GOLGB1: variants seen among roughly 807,000 people sequenced by gnomAD.
GOLGB1 encodes golgin subfamily B member 1.
Under a neutral mutation model 336.9 loss-of-function variants are expected in GOLGB1, and 174 were observed. The observed-to-expected ratio is 0.52, with a 90% confidence interval of 0.46 to 0.59. The LOEUF (loss-of-function observed/expected upper bound fraction) is 0.59. Ranked by LOEUF, GOLGB1 falls within the 20% of genes least tolerant of loss-of-function variation. GOLGB1 has a pLI of 0.00. For missense variants in GOLGB1, 3,331 were observed against 3,645.3 expected, an observed-to-expected ratio of 0.91 and a Z score of 2.22; for synonymous variants, 1,208 against 1,289.2, an observed-to-expected ratio of 0.94 and a Z score of 1.35.
chr3:121,670,761 G>A (rs576293641), intron 17 of GOLGB1, among the ~76,000 whole-genome samples: 3 of 149,170 alleles, frequency 2.0e-5, no homozygotes, highest in Non-Finnish European at 3.0e-5. Flanking sequence ...CTTTTGGGGG[G>A]GGGGGTGTGG....
At position 121,694,500 on chromosome 3, in the gene GOLGB1, T is replaced by C. The variant is rs747604131; in HGVS notation, c.6023A>G (p.Asn2008Ser). ...CTGAAGTTCCTTTGCATGGCTTTTA[T>C]TTCCGGGTTCTTTCTGAGCACCTTG... is the stretch of plus-strand genomic sequence containing the variant. ...KIQGAQKEPG[N>S]KSHAKELQEL... Residue 2008 changes from asparagine (N) to serine (S), a missense_variant, in exon 13 of 22, where the codon AAT (asparagine) becomes AGT (serine). Coordinates refer to ENST00000614479, the MANE Select transcript of GOLGB1 (RefSeq NM_001366282.2). The C allele has an allele frequency of 1.2e-5, 20 of 1,611,316 alleles. No homozygotes were observed. Among genetic ancestry groups the C allele is most frequent in the Non-Finnish European group, 1.7e-5 (20 of 1,179,600 alleles).
chr3:121,699,541 T>C (rs1437871262), intron 12 of GOLGB1, among the ~76,000 whole-genome samples: 2 of 152,178 alleles, frequency 1.3e-5, no homozygotes, highest in African/African-American at 4.8e-5. Flanking sequence ...GAAGTTGAGA[T>C]AGATGATAAC....
intron 10 of GOLGB1, among the ~76,000 whole-genome samples, chr3:121,711,124 A>G (rs372789359): frequency 1.5e-3 from 231 of 151,368 alleles, no homozygotes; most frequent in African/African-American, 5.4e-3. Context: ...AACCTGGGAA[A>G]TGGAGGCTGC....
chr3:121,678,378 A>T (rs902368367), intron 15 of GOLGB1, among the ~76,000 whole-genome samples: 1 of 152,184 alleles, frequency 6.6e-6, no homozygotes. Flanking sequence ...TATGATATTT[A>T]TACTATATTG....
chr3:121,671,433 T>TCA (rs1309295393), intron 17 of GOLGB1, among the ~76,000 whole-genome samples: 1 of 152,226 alleles, frequency 6.6e-6, no homozygotes, highest in Non-Finnish European at 1.5e-5. Context: ...TCGAGGACGC[T>TCA]CAAATTCCTT....
chr3:121,699,860 G>C lies in GOLGB1; in HGVS notation c.1545C>G (p.Leu515=), dbSNP rs748646814. 1.2e-6 allele frequency: 2 copies of C among 1,602,384 alleles called. No homozygotes were observed. The highest frequency in any genetic ancestry group is 3.4e-5 in the Admixed American group (2 of 59,542). ...CCCCAGTTCTATTCTGAGCCTCTAG[G>C]AGAGTAATCTGAGAAGACAGTTTTT... ...ENEKLSSQIT[L]LEAQNRTGEA... The change falls in exon 12 of 22, where the codon CTC becomes CTG. Residue 515 remains leucine, a synonymous_variant. Transcript: ENST00000614479.
At chr3:121,748,914 G>C in intron 1 of GOLGB1, 3 of 984,664 alleles carry the variant, frequency 3.0e-6, no homozygotes, top group Non-Finnish European at 3.6e-6. Context: ...TTCACATTCC[G>C]GTTGTGCAGA....
intron 4 of GOLGB1, among the ~76,000 whole-genome samples, chr3:121,727,316 ATATATTTTTTTTTT>A (rs1462697134): frequency 1.6e-3 from 59 of 36,080 alleles, no homozygotes; most frequent in African/African-American, 4.1e-3. Flanking sequence ...ATATATATAT[ATATATTTTTTTTTT>A]TTTTTTTTTT....
At position 121,698,570 on chromosome 3, in the gene GOLGB1, A is replaced by T. The variant is rs2107873549; in HGVS notation, c.1953T>A (p.Ser651Arg). ...EKEQASTEHQSRTSEEISLND... is the reference protein window; with the variant it reads ...EKEQASTEHQRRTSEEISLND... The stretch of plus-strand genomic sequence containing the variant: ...TTAAAGATATTTCCTCAGATGTTCT[A>T]CTTTGATGTTCAGTGCTCGCCTGTT... Residue 651 changes from serine (S) to arginine (R), a missense_variant, in exon 13 of 22, where the codon AGT (serine) becomes AGA (arginine). Ser to Arg is a moderately radical substitution (Grantham distance 110, BLOSUM62 -1). Transcript: ENST00000614479. 2 of 1,613,852 alleles carry T rather than the reference A, an allele frequency of 1.2e-6. No homozygotes were observed. Among genetic ancestry groups the T allele is most frequent in the African/African-American group, 2.7e-5 (2 of 75,018 alleles).
Position 121,691,991 on chromosome 3 carries a change from A to G in GOLGB1, c.7373T>C (p.Ile2458Thr), listed in dbSNP as rs761731068. The change falls in exon 14 of 22, where the codon ATT becomes ACT. Residue 2458 changes from isoleucine (I) to threonine (T), a missense_variant. Coordinates refer to ENST00000614479, the MANE Select transcript of GOLGB1 (RefSeq NM_001366282.2). ...ETLKTIKKEN[I>T]QQKAQLDSFV... is the part of the protein sequence containing the mutation. ...GGAATCCAACTGTGCCTTTTGCTGAATGTTTTCCTTTTTGATGGTTTTCAG... is the reference window on the plus strand; with the variant it reads ...GGAATCCAACTGTGCCTTTTGCTGAGTGTTTTCCTTTTTGATGGTTTTCAG... 1.7e-5 allele frequency: 27 copies of G among 1,613,688 alleles called. No individual in the cohort carries two copies. Among genetic ancestry groups the G allele is most frequent in the Non-Finnish European group, 2.3e-5 (27 of 1,179,896 alleles).
rs777591992 is a variant in GOLGB1 at position 121,693,905 on chromosome 3, A to G, written c.6618T>C (p.Arg2206=). 1 of 1,614,088 alleles carries G rather than the reference A, an allele frequency of 6.2e-7. No individual in the cohort carries two copies. The highest frequency in any genetic ancestry group is 1.1e-5 in the South Asian group (1 of 91,086). Residue 2206 remains arginine (R), a synonymous_variant, in exon 13 of 22, where the codon CGT becomes CGC. Transcript: ENST00000614479. ...TCTTAGCTTCATCTATCACCCTGTC[A>G]CGATCATCCTGGAGGGAAGACATGC... ...TKSMSSLQDD[R]DRVIDEAKKW...
In GOLGB1 at chr3:121,691,106, T is replaced by A. The variant is rs780842341; in HGVS notation, c.8258A>T (p.Asp2753Val). 2 of 1,613,988 alleles carry A rather than the reference T, an allele frequency of 1.2e-6. No individual in the cohort carries two copies. The highest frequency in any genetic ancestry group is 8.5e-7 in the Non-Finnish European group (1 of 1,180,032). ...RSMSSLQNSR[D>V]HANEELDELK... The stretch of plus-strand genomic sequence containing the variant: ...TTCATCAAGTTCCTCATTGGCATGA[T>A]CTCTACTATTTTGCAAGGAACTCAT... Residue 2753 changes from aspartate to valine, a missense_variant, in exon 14 of 22, where the codon GAT (aspartate) becomes GTT (valine). Asp to Val is a radical substitution (Grantham distance 152). Transcript: ENST00000614479.
rs1285395665 is a variant in GOLGB1 at position 121,692,055 on chromosome 3, T to C, written c.7309A>G (p.Lys2437Glu). 6.8e-6 allele frequency: 11 copies of C among 1,612,650 alleles called. No individual in the cohort carries two copies. The highest frequency in any genetic ancestry group is 1.6e-4 in the Middle Eastern group (1 of 6,078). Residue 2437 changes from lysine (K) to glutamate (E), a missense_variant, in exon 14 of 22, where the codon AAA becomes GAA. Transcript: ENST00000614479. ...EENIVLEEEN[K>E]KAVDKTNQLM... ...TGATTGGTTTTATCAACAGCCTTTT[T>C]GTTCTCCTCTTCTAAAACAATATTC... is the stretch of plus-strand genomic sequence containing the variant.
At chr3:121,708,973 T>G (rs1944118019) in intron 10 of GOLGB1, among the ~76,000 whole-genome samples, 1 of 152,058 alleles carries the variant, frequency 6.6e-6, no homozygotes, top group Non-Finnish European at 1.5e-5. Context: ...AGACATTTAC[T>G]TTAAAGAAAA....
intron 7 of GOLGB1, among the ~76,000 whole-genome samples, chr3:121,718,918 G>GA (rs35795909): frequency 6.6e-6 from 1 of 151,702 alleles, no homozygotes; most frequent in Non-Finnish European, 1.5e-5. Context: ...GCAGGCACTT[G>GA]AAAAAAAATT....
chr3:121,713,548 T>C (rs1286580609), intron 10 of GOLGB1, among the ~76,000 whole-genome samples: 1 of 152,204 alleles, frequency 6.6e-6, no homozygotes, highest in Non-Finnish European at 1.5e-5. Flanking sequence ...TGGTTAAATG[T>C]ATATGATGCT....
At chr3:121,736,181 A>G (rs1439553623) in intron 1 of GOLGB1, among the ~76,000 whole-genome samples, 4 of 152,232 alleles carry the variant, frequency 2.6e-5, no homozygotes, top group Non-Finnish European at 4.4e-5. Flanking sequence ...AAGAATTCCA[A>G]ATAATTTATG....
At chr3:121,737,580 G>A (rs1275849521) in intron 1 of GOLGB1, among the ~76,000 whole-genome samples, 1 of 151,986 alleles carries the variant, frequency 6.6e-6, no homozygotes, top group Non-Finnish European at 1.5e-5. Flanking sequence ...GAACCTGAGA[G>A]GTGGAGGTTG....
intron 5 of GOLGB1, among the ~76,000 whole-genome samples, chr3:121,726,675 G>A (rs1287146501): frequency 3.9e-5 from 6 of 151,906 alleles, no homozygotes; most frequent in Non-Finnish European, 8.8e-5. Flanking sequence ...CTTAAAATAT[G>A]TGAAACCATA....
Sources: allele counts gnomAD v4.1 joint callset (sites outside exome capture counted in the v4.1 genomes callset), GRCh38; gene constraint gnomAD v4.1.1; transcripts MANE v1.5; gene names NCBI Gene and HGNC (gene_info 2026-07-23, HGNC 2026-07-21).